The following NDUFB4 variants were observed in gnomAD, a reference collection of about 807,000 sequenced individuals.
The protein encoded by NDUFB4 is NADH:ubiquinone oxidoreductase subunit B4, also known as NADH dehydrogenase [ubiquinone] 1 beta subcomplex subunit 4.
Under a neutral mutation model 14.5 loss-of-function variants are expected in NDUFB4, and 10 were observed. The ratio of observed to expected loss-of-function variants is 0.69; its 90% CI spans 0.43 to 1.17. NDUFB4 has a LOEUF of 1.17. Ranked by LOEUF, NDUFB4 falls within the 50% of genes most tolerant of loss-of-function variation. The probability of loss-of-function intolerance (pLI) is 0.00; values close to 1 mark genes in which losing one functional copy is unlikely to be tolerated. For missense variants in NDUFB4, 165 were observed against 161.1 expected (o/e 1.02, Z -0.13); for synonymous variants, 65 against 63.4 (o/e 1.03, Z -0.12).
At chr3:120,602,160 A>G (rs1940074875) in intron 2 of NDUFB4, 48 bp from the exon 3 acceptor site, 1 of 1,585,332 alleles carries the variant, frequency 6.3e-7, no homozygotes, top group South Asian at 1.2e-5. Context: ...AATATAGCCA[A>G]CTGGCAGAAT....
At chr3:120,601,837 A>T (rs1391584630) in intron 2 of NDUFB4, 5 of 1,030,538 alleles carry the variant, frequency 4.9e-6, no homozygotes, top group Non-Finnish European at 5.8e-6. Context: ...TATTTTGATT[A>T]TCTGGTGAAT....
chr3:120,598,141 C>T (rs1939998235), intron 1 of NDUFB4, among the ~76,000 whole-genome samples: 1 of 151,610 alleles, frequency 6.6e-6, no homozygotes, highest in Non-Finnish European at 1.5e-5. Context: ...CAACCTCTGC[C>T]TCCCGGGCTC....
chr3:120,602,386 C>T lies in NDUFB4; in HGVS notation c.*116C>T, dbSNP rs1052591172. ...TTCAATGTTAAAAACTATTAACACC[C>T]TAACAACACAGAAGCAGACGCAGCC... On this transcript the variant is annotated 3_prime_UTR_variant, in exon 3 of 3. Transcript: ENST00000184266. The T allele has an allele frequency of 1.0e-6, 1 of 991,120 alleles. No individual in the cohort carries two copies. The highest frequency in any genetic ancestry group is 1.5e-6 in the Non-Finnish European group (1 of 673,050). The allele number at this position is 991,120 out of a possible 1,614,324, so 61.4% of individuals were successfully genotyped here. A position where few individuals can be genotyped will look rare whatever the true frequency, so the allele number is the denominator to read the frequency against.
intron 1 of NDUFB4, 27 bp from the exon 2 acceptor site, chr3:120,601,084 A>G (rs375373807): frequency 5.1e-5 from 81 of 1,583,098 alleles, no homozygotes; most frequent in East Asian, 6.7e-5. Flanking sequence ...CTTAAGTTCT[A>G]TAACTTTTTG....
chr3:120,596,624 C>G lies in NDUFB4; in HGVS notation c.180+85C>G, dbSNP rs1939961240. 11 of 1,422,410 alleles carry G rather than the reference C, an allele frequency of 7.7e-6. No individual in the cohort carries two copies. The South Asian group carries it at 1.4e-4, about 18-fold the overall frequency. The allele number at this position is 1,422,410 out of a possible 1,614,324, so 88.1% of individuals were successfully genotyped here. On this transcript the variant is annotated intron_variant, in intron 1 of 2. Coordinates refer to ENST00000184266, the MANE Select transcript of NDUFB4 (RefSeq NM_004547.6). Reference sequence around the variant, plus strand: ...ACCACGCAAAGGGTCGGCCACCGCTCCCGATCAGTATCTCAGACGCAGGTC... The same window carrying G: ...ACCACGCAAAGGGTCGGCCACCGCTGCCGATCAGTATCTCAGACGCAGGTC...
intron 1 of NDUFB4, among the ~76,000 whole-genome samples, chr3:120,596,932 ATG>A (rs1290705589): frequency 6.8e-6 from 1 of 147,908 alleles, no homozygotes; most frequent in Non-Finnish European, 1.5e-5. Context: ...TGTTCAGAAA[ATG>A]TTTCTATATA....
intron 1 of NDUFB4, among the ~76,000 whole-genome samples, chr3:120,599,749 A>G (rs1289468862): frequency 6.6e-6 from 1 of 152,168 alleles, no homozygotes; most frequent in Non-Finnish European, 1.5e-5. Context: ...TCTGGCAGAT[A>G]TTAAAGCACA....
intron 2 of NDUFB4, 46 bp from the exon 3 acceptor site, chr3:120,602,162 T>A: frequency 6.3e-7 from 1 of 1,585,722 alleles, no homozygotes; most frequent in Non-Finnish European, 8.5e-7. Context: ...TATAGCCAAC[T>A]GGCAGAATAT....
chr3:120,602,113 A>G, intron 2 of NDUFB4, 95 bp from the exon 3 acceptor site: 1 of 1,535,340 alleles, frequency 6.5e-7, no homozygotes, highest in East Asian at 2.5e-5. Flanking sequence ...GCCAAAATGC[A>G]GTTTTTCTTA....
chr3:120,596,441 G>A lies in NDUFB4; in HGVS notation c.82G>A (p.Glu28Lys). Residue 28 changes from glutamate to lysine, a missense_variant, in exon 1 of 3, where the codon GAA (glutamate) becomes AAA (lysine). Coordinates refer to ENST00000184266, the MANE Select transcript of NDUFB4 (RefSeq NM_004547.6). ...LDPAEYNISPETRRAQAERLA... is the reference protein window; with the variant it reads ...LDPAEYNISPKTRRAQAERLA... ...CCCAGCCGAATACAACATATCTCCG[G>A]AAACCCGGCGGGCGCAAGCCGAGCG... The A allele has an allele frequency of 6.2e-7, 1 of 1,614,112 alleles. No individual in the cohort carries two copies. Among genetic ancestry groups the A allele is most frequent in the East Asian group, 2.2e-5 (1 of 44,884 alleles).
At chr3:120,597,085 A>ATATATT (rs1939976206) in intron 1 of NDUFB4, among the ~76,000 whole-genome samples, 1 of 147,224 alleles carries the variant, frequency 6.8e-6, no homozygotes, top group African/African-American at 2.5e-5. Context: ...ATATATATAT[A>ATATATT]ATTTTAAAGA....
rs568733205 is a variant in NDUFB4, at chr3:120,600,553, G to A, written c.181-558G>A. ...GTCTGAATTAATGCTTTTCACACTA[G>A]GTCAGCTTAAAAAACTTACAGTTCA... On this transcript the variant is annotated intron_variant, in intron 1 of 2. Coordinates refer to ENST00000184266, the MANE Select transcript of NDUFB4 (RefSeq NM_004547.6). Among the ~76,000 whole-genome samples the A allele has an allele frequency of 4.7e-4, 72 of 152,162 alleles. No homozygotes were observed. In the South Asian group the frequency reaches 0.013, roughly 28 times the overall value.
intron 1 of NDUFB4, among the ~76,000 whole-genome samples, chr3:120,597,583 A>G (rs1427378939): frequency 1.3e-5 from 2 of 152,232 alleles, no homozygotes; most frequent in South Asian, 2.1e-4. Flanking sequence ...CTATTTACAT[A>G]TCACAACTAT....
At chr3:120,598,288 A>G (rs79292467) in intron 1 of NDUFB4, among the ~76,000 whole-genome samples, 26,807 of 152,002 alleles carry the variant, frequency 0.18, 3,244 homozygotes, top group East Asian at 0.57. Context: ...TCCTGAGCTC[A>G]AGCGATCCTC....
chr3:120,596,779 TAAG>T, intron 1 of NDUFB4: 1 of 533,340 alleles, frequency 1.9e-6, no homozygotes, highest in Non-Finnish European at 3.4e-6. Flanking sequence ...TGCGTGACCT[TAAG>T]AACGTTATTC....
At chr3:120,599,144 T>G (rs1940015650) in intron 1 of NDUFB4, among the ~76,000 whole-genome samples, 1 of 152,128 alleles carries the variant, frequency 6.6e-6, no homozygotes, top group Non-Finnish European at 1.5e-5. Context: ...TTGACCTAAG[T>G]GATTTTAAGA....
chr3:120,596,505 T>C lies in NDUFB4; in HGVS notation c.146T>C (p.Leu49Pro). 6.2e-7 allele frequency: 1 copy of C among 1,613,914 alleles called. No homozygotes were observed. The highest frequency in any genetic ancestry group is 1.3e-5 in the African/African-American group (1 of 75,030). ...IRAQLKREYL[L>P]QYNDPNRRGL... ...GCCCAGCTGAAACGAGAGTACCTGC[T>C]TCAGTACAACGATCCCAACCGCCGA... is the stretch of plus-strand genomic sequence containing the variant. The change falls in exon 1 of 3, where the codon CTT becomes CCT. Residue 49 changes from leucine (L) to proline (P), a missense_variant. Physicochemically the swap from Leu to Pro is moderately conservative, Grantham distance 98. Transcript: ENST00000184266.
At chr3:120,596,661 C>T in intron 1 of NDUFB4, 122 bp downstream of exon 1, 1 of 1,103,310 alleles carries the variant, frequency 9.1e-7, no homozygotes, top group Non-Finnish European at 1.3e-6. Context: ...TCTTCCAGGC[C>T]TAGCCAACTC....
intron 2 of NDUFB4, chr3:120,601,580 C>T: frequency 8.6e-7 from 1 of 1,166,968 alleles, no homozygotes; most frequent in Non-Finnish European, 1.1e-6. Context: ...TCACATTTTG[C>T]AAATTAATGT....
Sources: allele counts gnomAD v4.1 joint callset (sites outside exome capture counted in the v4.1 genomes callset), GRCh38; gene constraint gnomAD v4.1.1; transcripts MANE v1.5; gene names NCBI Gene and HGNC (gene_info 2026-07-23, HGNC 2026-07-21).